The following TMTC2 variants were observed in gnomAD, a reference collection of about 807,000 sequenced individuals.
The protein encoded by TMTC2 is protein O-mannosyl-transferase TMTC2.
A neutral mutation model predicts 82.4 loss-of-function variants in TMTC2; 43 were observed. The ratio of observed to expected loss-of-function variants is 0.52; its 90% CI spans 0.41 to 0.67. The LOEUF is 0.67. Ranked by LOEUF, TMTC2 falls within the 30% of genes least tolerant of loss-of-function variation. The pLI, the probability that TMTC2 is intolerant of heterozygous loss-of-function variation, is 0.00. For missense variants in TMTC2, 919 were observed against 1,012.4 expected (o/e 0.91, Z 1.25); for synonymous variants, 408 against 381.9 (o/e 1.07, Z -0.80).
At chr12:82,796,706 C>T (rs1281827970) in intron 1 of TMTC2, among the ~76,000 whole-genome samples, 3 of 152,024 alleles carry the variant, frequency 2.0e-5, no homozygotes, top group Non-Finnish European at 2.9e-5. Flanking sequence ...AACTTCTGCC[C>T]GAGCCTGTTT....
At chr12:82,789,512 A>G (rs1049612784) in intron 1 of TMTC2, among the ~76,000 whole-genome samples, 1 of 152,168 alleles carries the variant, frequency 6.6e-6, no homozygotes, top group African/African-American at 2.4e-5. Context: ...TTCATCTGGT[A>G]TGATTAATAT....
intron 8 of TMTC2, among the ~76,000 whole-genome samples, chr12:83,001,035 G>A (rs1023252174): frequency 3.3e-5 from 5 of 152,040 alleles, no homozygotes; most frequent in Admixed American, 6.6e-5. Context: ...AGGGACCCTG[G>A]GCCGGACTCA....
At chr12:82,935,162 G>T (rs990452912) in intron 4 of TMTC2, among the ~76,000 whole-genome samples, 75 of 152,156 alleles carry the variant, frequency 4.9e-4, no homozygotes, top group African/African-American at 1.6e-3. Context: ...CCTGTGCTAA[G>T]AGCTGCCTTC....
At chr12:82,810,648 A>C (rs1879450322) in intron 1 of TMTC2, among the ~76,000 whole-genome samples, 1 of 152,042 alleles carries the variant, frequency 6.6e-6, no homozygotes, top group African/African-American at 2.4e-5. Flanking sequence ...GAAATGGTTA[A>C]GCTTTGTGTC....
rs747063924 is a variant in TMTC2 at position 83,062,941 on chromosome 12, A to G, written c.2331+1110A>G. Among the ~76,000 whole-genome samples the G allele has an allele frequency of 7.2e-5, 11 of 151,972 alleles. No homozygotes were observed. The South Asian group carries it at 1.0e-3, about 14-fold the overall frequency. ...GTTTTATTTGTAGGGGCAAAAAAAC[A>G]TATCTTTTTCTTAAGCATCCTAAGG... On this transcript the variant is annotated intron_variant, in intron 11 of 11. Transcript: ENST00000321196.
At chr12:82,785,394 A>T (rs12319458) in intron 1 of TMTC2, among the ~76,000 whole-genome samples, 3 of 147,272 alleles carry the variant, frequency 2.0e-5, no homozygotes, top group Admixed American at 6.7e-5. Flanking sequence ...AGAAACAAAT[A>T]ACAAAATAAA....
At chr12:83,108,269 A>G (rs1884484977) in intron 11 of TMTC2, among the ~76,000 whole-genome samples, 1 of 152,142 alleles carries the variant, frequency 6.6e-6, no homozygotes, top group African/African-American at 2.4e-5. Flanking sequence ...TACTTGATTT[A>G]TATATTAATT....
chr12:82,722,988 A>T (rs780488958), intron 1 of TMTC2, among the ~76,000 whole-genome samples: 2 of 152,092 alleles, frequency 1.3e-5, no homozygotes, highest in Non-Finnish European at 2.9e-5. Flanking sequence ...GTTCCATTCA[A>T]CTTTTCTGTA....
intron 1 of TMTC2, among the ~76,000 whole-genome samples, chr12:82,831,328 A>G (rs77690596): frequency 6.6e-6 from 1 of 152,220 alleles, no homozygotes; most frequent in Non-Finnish European, 1.5e-5. Context: ...GCAAACATCA[A>G]ATTCTCAAAG....
intron 1 of TMTC2, among the ~76,000 whole-genome samples, chr12:82,737,608 G>A (rs1391317555): frequency 6.6e-6 from 1 of 152,172 alleles, no homozygotes; most frequent in African/African-American, 2.4e-5. Flanking sequence ...CTTGCAGTTT[G>A]GTTTTGTTTG....
chr12:83,099,265 T>G (rs966733590), intron 11 of TMTC2, among the ~76,000 whole-genome samples: 1 of 152,226 alleles, frequency 6.6e-6, no homozygotes, highest in Non-Finnish European at 1.5e-5. Flanking sequence ...TGTTACTCTT[T>G]GGCATTTAGG....
intron 1 of TMTC2, among the ~76,000 whole-genome samples, chr12:82,740,168 C>G (rs1308839478): frequency 6.6e-6 from 1 of 152,096 alleles, no homozygotes; most frequent in Non-Finnish European, 1.5e-5. Context: ...TCCTTATAAT[C>G]CCTTTAAATT....
intron 1 of TMTC2, among the ~76,000 whole-genome samples, chr12:82,714,197 T>A (rs1187023105): frequency 6.6e-6 from 1 of 152,254 alleles, no homozygotes. Context: ...ATGGGATTAT[T>A]GTAAATGAAC....
Position 82,910,420 on chromosome 12 carries a change from G to A in TMTC2, c.1483+13774G>A, listed in dbSNP as rs370337842. Reference sequence around the variant, plus strand: ...TCCAACCCCACGGCAGTGCCTAGGGGGTGAATGTTTACAGCTACTGAAGCC... The same window carrying A: ...TCCAACCCCACGGCAGTGCCTAGGGAGTGAATGTTTACAGCTACTGAAGCC... On this transcript the variant is annotated intron_variant, in intron 3 of 11. Coordinates refer to ENST00000321196, the MANE Select transcript of TMTC2 (RefSeq NM_152588.3). Among the ~76,000 whole-genome samples, 223 of 152,238 alleles carry A rather than the reference G, an allele frequency of 1.5e-3. 1 individual carries two copies. The highest frequency in any genetic ancestry group is 5.1e-3 in the African/African-American group (213 of 41,528).
intron 1 of TMTC2, among the ~76,000 whole-genome samples, chr12:82,771,206 C>CAAA (rs56743424): frequency 1.1e-5 from 1 of 87,014 alleles, no homozygotes; most frequent in Non-Finnish European, 2.5e-5. Context: ...GACTCTGTCT[C>CAAA]AAAAAAAAAA....
intron 1 of TMTC2, among the ~76,000 whole-genome samples, chr12:82,690,619 G>A (rs1272903254): frequency 6.6e-6 from 1 of 152,158 alleles, no homozygotes; most frequent in Non-Finnish European, 1.5e-5. Flanking sequence ...TTAAGAATAT[G>A]CCTCTGATGT....
Position 82,896,928 on chromosome 12 carries a change from C to T in TMTC2, c.1483+282C>T, listed in dbSNP as rs79156379. Among the ~76,000 whole-genome samples the T allele has an allele frequency of 9.9e-5, 15 of 152,136 alleles. No homozygotes were observed. In the East Asian group the frequency reaches 2.9e-3, roughly 29 times the overall value. On this transcript the variant is annotated intron_variant, in intron 3 of 11. Transcript: ENST00000321196. The stretch of plus-strand genomic sequence containing the variant: ...GTTGTGTAAACAATATTGACTATTC[C>T]AAGAATTTAGAAAAGAGCTTGGTTT...
At chr12:83,009,864 A>C (rs1275541202) in intron 8 of TMTC2, among the ~76,000 whole-genome samples, 2 of 152,158 alleles carry the variant, frequency 1.3e-5, no homozygotes, top group Non-Finnish European at 2.9e-5. Context: ...ACCTCAGATA[A>C]ACAAGCATTA....
At chr12:83,030,240 A>G (rs1881370742) in intron 8 of TMTC2, among the ~76,000 whole-genome samples, 1 of 152,142 alleles carries the variant, frequency 6.6e-6, no homozygotes, top group Non-Finnish European at 1.5e-5. Context: ...TCTTCTTAGT[A>G]CCCTTGGATT....
Sources: gnomAD v4.1 joint callset for allele counts (sites outside exome capture counted in the v4.1 genomes callset) on GRCh38, gnomAD v4.1.1 for gene constraint, MANE v1.5 for transcripts, NCBI Gene and HGNC (gene_info 2026-07-23, HGNC 2026-07-21) for gene names.